Variants in FHAD1 observed in about 807,000 individuals in gnomAD.
FHAD1 encodes forkhead associated phosphopeptide binding domain 1.
FHAD1 carries 146 observed loss-of-function variants against 191.3 expected under a neutral mutation model. The ratio of observed to expected loss-of-function variants is 0.76; its 90% confidence interval spans 0.67 to 0.88. The LOEUF is 0.88. Among genes scored for constraint, FHAD1 ranks in the 40% least tolerant of loss-of-function variants. FHAD1 has a pLI of 0.00. For missense variants in FHAD1, 1,635 were observed against 1,785.8 expected, an observed-to-expected ratio of 0.92 and a Z score of 1.52; for synonymous variants, 616 against 672.3, an observed-to-expected ratio of 0.92 and a Z score of 1.29.
chr1:15,248,595 T>A (rs1294101360), intron 1 of FHAD1, among the ~76,000 whole-genome samples: 1 of 151,192 alleles, frequency 6.6e-6, no homozygotes, highest in Admixed American at 6.6e-5. Flanking sequence ...TTTTTTTTTT[T>A]AATTGAGACA....
At chr1:15,343,485 C>A (rs1468565323) in intron 16 of FHAD1, among the ~76,000 whole-genome samples, 1 of 152,062 alleles carries the variant, frequency 6.6e-6, no homozygotes, top group Admixed American at 6.5e-5. Context: ...CTCTACCACA[C>A]ACACCTGCCC....
At position 15,341,841 on chromosome 1, in the gene FHAD1, G is replaced by A. The variant is rs1347010143; in HGVS notation, c.2083G>A (p.Glu695Lys). ...GCTGAACGAGGAGAGGCTAGAGCAA[G>A]AGGAGAAGCTCAAAGCCAAAATCAG... is the stretch of plus-strand genomic sequence containing the variant. ...EKLNEERLEQ[E>K]EKLKAKIRQL... Residue 695 changes from glutamate to lysine, a missense_variant, in exon 16 of 34, where the codon GAG becomes AAG. Physicochemically the swap from Glu to Lys is moderately conservative, Grantham distance 56 (BLOSUM62 1). Coordinates refer to ENST00000688493, the MANE Select transcript of FHAD1 (RefSeq NM_001391957.1). 1.9e-6 allele frequency: 3 copies of A among 1,551,806 alleles called. No individual in the cohort carries two copies. In the East Asian group the frequency reaches 7.3e-5, roughly 38 times the overall value.
At chr1:15,300,952 C>A (rs189568319) in intron 5 of FHAD1, among the ~76,000 whole-genome samples, 33 of 152,298 alleles carry the variant, frequency 2.2e-4, no homozygotes, top group African/African-American at 7.5e-4. Context: ...GCCTCAGCCT[C>A]CCAAGTAGCT....
intron 14 of FHAD1, among the ~76,000 whole-genome samples, chr1:15,333,747 T>C (rs1682715876): frequency 6.6e-6 from 1 of 152,122 alleles, no homozygotes; most frequent in African/African-American, 2.4e-5. Context: ...GTGTTCGGTG[T>C]TTCACACGCA....
rs1235425847 is a variant in FHAD1 at position 15,329,465 on chromosome 1, G to T, written c.1830G>T (p.Arg610Ser). 6.4e-7 allele frequency: 1 copy of T among 1,551,236 alleles called. No individual in the cohort carries two copies. The highest frequency in any genetic ancestry group is 2.0e-5 in the Admixed American group (1 of 51,012). ...AGAAGGTGGTGCTGGACGTCCTGAG[G>T]CACGCGCTGTCCTGGCTGGAGGAGG... ...GLQKVVLDVL[R>S]HALSWLEEVE... Residue 610 changes from arginine (R) to serine (S), a missense_variant, in exon 14 of 34, where the codon AGG becomes AGT. Arg to Ser is a moderately radical substitution (Grantham distance 110, BLOSUM62 -1). Transcript: ENST00000688493. This position sits in a 1 kb window ranked among gnomAD's most constrained non-coding sequence, Gnocchi z 5.0.
rs1668639912 is a variant in FHAD1 at position 15,301,151 on chromosome 1, C to G, written c.679-54C>G. The G allele has an allele frequency of 1.4e-5, 21 of 1,482,614 alleles. No homozygotes were observed. In the South Asian group the frequency reaches 2.5e-4, roughly 18 times the overall value. The allele number at this position is 1,482,614 out of a possible 1,614,324, so 91.8% of individuals were successfully genotyped here. On this transcript the variant is annotated intron_variant, in intron 5 of 33. Coordinates refer to ENST00000688493, the MANE Select transcript of FHAD1 (RefSeq NM_001391957.1). ...GGCCCCTACTTTTTTTTAATGGGCT[C>G]AGCCTCACACCTAGGCCCACACCTA...
intron 2 of FHAD1, among the ~76,000 whole-genome samples, chr1:15,253,190 GAA>G (rs1647005422): frequency 1.5e-5 from 2 of 129,738 alleles, no homozygotes; most frequent in South Asian, 5.1e-4. Context: ...GTGTGTCAGA[GAA>G]AGAGAGAGAG....
At chr1:15,395,238 C>G (rs1258111820) in intron 33 of FHAD1, among the ~76,000 whole-genome samples, 1 of 143,784 alleles carries the variant, frequency 7.0e-6, no homozygotes, top group Non-Finnish European at 1.5e-5. Context: ...GGCGTGAACC[C>G]GGGAGGCGGA....
chr1:15,283,710 G>A (rs981809477), intron 3 of FHAD1, among the ~76,000 whole-genome samples: 1 of 152,178 alleles, frequency 6.6e-6, no homozygotes, highest in African/African-American at 2.4e-5. Flanking sequence ...GCAGTTCTCT[G>A]AGTGGCATCC....
intron 10 of FHAD1, 39 bp from the exon 11 acceptor site, chr1:15,324,413 C>T (rs1331329954): frequency 6.9e-7 from 1 of 1,453,028 alleles, no homozygotes; most frequent in Non-Finnish European, 9.5e-7. Context: ...GCATTATGAT[C>T]ACATTAGCAG....
chr1:15,324,645 G>A (rs532569724), intron 11 of FHAD1, 86 bp downstream of exon 11: 19 of 933,756 alleles, frequency 2.0e-5, no homozygotes, highest in African/African-American at 1.3e-4. Flanking sequence ...AGAGGAGGAC[G>A]CCCAAGGTAG....
In FHAD1 at chr1:15,272,529, G is replaced by A. The variant is rs75432354; in HGVS notation, c.300G>A (p.Pro100=). The A allele has an allele frequency of 0.16, 247,736 of 1,542,312 alleles. 20,665 individuals are homozygous for A. The highest frequency in any genetic ancestry group is 0.19 in the South Asian group (15,546 of 83,832). Reference sequence around the variant, plus strand: ...AACTGGTCATTGAAAATCCACCTCCGGTGAGTCCGGGCCACTGGGGGATAG... The same window carrying A: ...AACTGGTCATTGAAAATCCACCTCCAGTGAGTCCGGGCCACTGGGGGATAG... ...TYELVIENPP[P]VSFPWMRGPA... is the part of the protein sequence containing the mutation. The change falls in exon 3 of 34, where the codon CCG becomes CCA. Residue 100 remains proline (P), a splice_region_variant and synonymous_variant. Transcript: ENST00000688493.
chr1:15,314,995 G>A (rs2101317510), intron 8 of FHAD1: 1 of 152,002 alleles, frequency 6.6e-6, no homozygotes, highest in South Asian at 2.1e-4. Context: ...CCCACGAAGT[G>A]CATTTGGGTT....
chr1:15,383,824 C>T (rs1701473586), intron 31 of FHAD1: 1 of 428,324 alleles, frequency 2.3e-6, no homozygotes, highest in African/African-American at 2.0e-5. Flanking sequence ...AACTGCGCCT[C>T]AGAGAGTTAA....
At chr1:15,346,295 T>C (rs1207131571) in intron 18 of FHAD1, among the ~76,000 whole-genome samples, 1 of 152,192 alleles carries the variant, frequency 6.6e-6, no homozygotes, top group Non-Finnish European at 1.5e-5. Context: ...ATATTTTACT[T>C]TGAATTCATA....
chr1:15,238,250 G>GA (rs35058576), intron 1 of FHAD1, among the ~76,000 whole-genome samples: 2,674 of 96,888 alleles, frequency 0.028, 91 homozygotes, highest in Non-Finnish European at 0.033. Flanking sequence ...CCATCTCAAG[G>GA]AAAAAAAAAA....
intron 6 of FHAD1, among the ~76,000 whole-genome samples, chr1:15,305,470 C>T (rs12731067): frequency 0.026 from 3,894 of 152,234 alleles, 116 homozygotes; most frequent in African/African-American, 0.07. Context: ...ACTCTACCAC[C>T]GACTGATCCG....
In FHAD1 at chr1:15,358,193, A is replaced by G. The variant is rs913956591; in HGVS notation, c.2646A>G (p.Lys882=). 5 of 1,540,690 alleles carry G rather than the reference A, an allele frequency of 3.2e-6. No homozygotes were observed. Among genetic ancestry groups the G allele is most frequent in the Non-Finnish European group, 4.4e-6 (5 of 1,144,716 alleles). Residue 882 remains lysine (K), a synonymous_variant, in exon 21 of 34, where the codon AAA becomes AAG. Transcript: ENST00000688493. ...DALAMVEETQ[K]TKATESLKAE... The stretch of plus-strand genomic sequence containing the variant: ...TGGCCATGGTTGAAGAGACTCAGAA[A>G]ACAAAGGCAACTGAAAGTCTAAAAG...
chr1:15,380,615 C>T lies in FHAD1; in HGVS notation c.3706-86C>T, dbSNP rs191530205. 4.5e-4 allele frequency: 472 copies of T among 1,054,612 alleles called. 1 individual carries two copies. The highest frequency in any genetic ancestry group is 7.8e-4 in the Admixed American group (37 of 47,342). The allele number at this position is 1,054,612 out of a possible 1,614,324, so 65.3% of individuals were successfully genotyped here. A position where few individuals can be genotyped will look rare whatever the true frequency, so the allele number is the denominator to read the frequency against. ...AAATCAACTCTCTTGAGTTAATCTT[C>T]GGTAATCACACAGTGCTTTAGCTTC... On this transcript the variant is annotated intron_variant, in intron 28 of 33. Transcript: ENST00000688493.
Sources: allele counts gnomAD v4.1 joint callset (sites outside exome capture counted in the v4.1 genomes callset), GRCh38; gene constraint gnomAD v4.1.1; non-coding constraint Gnocchi (gnomAD v3.1); transcripts MANE v1.5; gene names NCBI Gene and HGNC (gene_info 2026-07-23, HGNC 2026-07-21).